The following MYO5B variants were observed in gnomAD, a reference collection of about 807,000 sequenced individuals.
MYO5B encodes unconventional myosin-Vb.
MYO5B carries 143 observed loss-of-function variants against 229.3 expected under a neutral mutation model. The observed-to-expected ratio is 0.62, with a 90% CI of 0.54 to 0.72. The LOEUF (loss-of-function observed/expected upper bound fraction) is 0.72. Ranked by LOEUF, MYO5B falls within the 30% of genes least tolerant of loss-of-function variation. The probability of loss-of-function intolerance (pLI) is 0.00; values close to 1 mark genes in which losing one functional copy is unlikely to be tolerated. For synonymous variants in MYO5B, 918 were observed against 885.2 expected, an observed-to-expected ratio of 1.04 and a Z score of -0.66; for missense variants, 2,321 against 2,331.0, an observed-to-expected ratio of 1.00 and a Z score of 0.09.
chr18:49,894,013 C>T (rs2024747904), intron 22 of MYO5B, among the ~76,000 whole-genome samples: 1 of 152,182 alleles, frequency 6.6e-6, no homozygotes, highest in East Asian at 1.9e-4. Context: ...AATATACACA[C>T]AGATGAGGGA....
At chr18:49,956,327 G>C (rs1444140223) in intron 12 of MYO5B, among the ~76,000 whole-genome samples, 2 of 152,198 alleles carry the variant, frequency 1.3e-5, no homozygotes, top group African/African-American at 2.4e-5. Context: ...ACATTTTAGA[G>C]ACAAGGAAAT....
intron 30 of MYO5B, among the ~76,000 whole-genome samples, chr18:49,855,001 C>T (rs2024244258): frequency 6.6e-6 from 1 of 152,094 alleles, no homozygotes; most frequent in African/African-American, 2.4e-5. Flanking sequence ...GCGATATTAC[C>T]TATTACTAAA....
Position 49,937,007 on chromosome 18 carries a change from C to T in MYO5B, c.1905+238G>A, listed in dbSNP as rs1787323. Among the ~76,000 whole-genome samples the T allele has an allele frequency of 0.16, 23,692 of 152,200 alleles. 2,054 individuals are homozygous for T. The highest frequency in any genetic ancestry group is 0.22 in the South Asian group (1,077 of 4,820). ...CCCTGTGGCACAGCCCCACCACAGG[C>T]GTTAACATACTTATGGAGGCTACGG... On this transcript the variant is annotated intron_variant, in intron 15 of 39. Transcript: ENST00000285039.
rs199948930 is a variant in MYO5B, at chr18:49,835,354, C to T, written c.5384G>A (p.Arg1795Gln). ...FEERVTVAFI[R>Q]TIQAQLQERN... ...TATCTTAAAACTCACCTGGATTGTT[C>T]GTATAAAGGCCACTGTTACCCGTTC... The change falls in exon 39 of 40, where the codon CGA becomes CAA. Residue 1795 changes from arginine (R) to glutamine (Q), a missense_variant. Physicochemically the swap from Arg to Gln is conservative, Grantham distance 43. Coordinates refer to ENST00000285039, the MANE Select transcript of MYO5B (RefSeq NM_001080467.3). 6 of 1,607,750 alleles carry T rather than the reference C, an allele frequency of 3.7e-6. No individual in the cohort carries two copies. The highest frequency in any genetic ancestry group is 4.3e-6 in the Non-Finnish European group (5 of 1,176,032).
At chr18:50,079,788 C>A (rs2031173296) in intron 1 of MYO5B, among the ~76,000 whole-genome samples, 1 of 152,176 alleles carries the variant, frequency 6.6e-6, no homozygotes, top group East Asian at 1.9e-4. Context: ...TGCTATGTAA[C>A]CCCTGGGCAA....
chr18:50,041,600 G>GA (rs746237273), intron 2 of MYO5B, among the ~76,000 whole-genome samples: 5 of 150,262 alleles, frequency 3.3e-5, no homozygotes, highest in African/African-American at 4.9e-5. Context: ...GCCATTTAGG[G>GA]AAAAAAAAAT....
intron 12 of MYO5B, among the ~76,000 whole-genome samples, chr18:49,957,024 A>C (rs2025499893): frequency 6.6e-6 from 1 of 152,122 alleles, no homozygotes; most frequent in Middle Eastern, 3.4e-3. Flanking sequence ...AACATACTAA[A>C]AACCACCAAA....
intron 1 of MYO5B, among the ~76,000 whole-genome samples, chr18:50,131,734 G>C (rs1328144245): frequency 6.6e-6 from 1 of 152,162 alleles, no homozygotes; most frequent in African/African-American, 2.4e-5. Flanking sequence ...CAGTGAAAAA[G>C]CTCATTTGTC....
At chr18:49,843,201 T>C in intron 34 of MYO5B, 40 bp downstream of exon 34, 1 of 1,611,960 alleles carries the variant, frequency 6.2e-7, no homozygotes, top group Non-Finnish European at 8.5e-7. Context: ...GGCTTCACTC[T>C]ACCCACCACA....
rs1314645145 is a variant in MYO5B, at chr18:50,104,171, A to AAAAAAAAAAAG, written c.28-48794_28-48793insCTTTTTTTTTT. Among the ~76,000 whole-genome samples, 126 of 140,718 alleles carry AAAAAAAAAAAG rather than the reference A, an allele frequency of 9.0e-4. 1 individual carries two copies. The highest frequency in any genetic ancestry group is 1.8e-3 in the Non-Finnish European group (116 of 64,806). The allele number at this position is 140,718 out of a possible 152,430, so 92.3% of individuals were successfully genotyped here. ...AACAGATGAGAACTTGTCTATTAAA[A>AAAAAAAAAAAG]AGAAAAAAAAGAAAATTATACCTAG... On this transcript the variant is annotated intron_variant, in intron 1 of 39. Transcript: ENST00000285039.
At chr18:50,072,336 T>C (rs1201945719) in intron 1 of MYO5B, among the ~76,000 whole-genome samples, 2 of 152,066 alleles carry the variant, frequency 1.3e-5, no homozygotes, top group Non-Finnish European at 2.9e-5. Flanking sequence ...AGGGATCCAG[T>C]CCAAAGTCTG....
intron 17 of MYO5B, among the ~76,000 whole-genome samples, chr18:49,913,688 C>T (rs2024982346): frequency 6.6e-6 from 1 of 152,178 alleles, no homozygotes; most frequent in South Asian, 2.1e-4. Context: ...CCTGGATACC[C>T]ATGGCCCTAA....
intron 38 of MYO5B, 27 bp from the exon 39 acceptor site, chr18:49,835,451 C>A: frequency 6.9e-7 from 1 of 1,444,878 alleles, no homozygotes; most frequent in Non-Finnish European, 9.7e-7. Flanking sequence ...CGGAATTTAG[C>A]ACAGAGCTAA....
intron 1 of MYO5B, among the ~76,000 whole-genome samples, chr18:50,075,092 G>A (rs1436873366): frequency 6.6e-6 from 1 of 152,158 alleles, no homozygotes; most frequent in Non-Finnish European, 1.5e-5. Flanking sequence ...CACCATGCCT[G>A]GCCTGGAGAC....
Position 49,836,596 on chromosome 18 carries a change from G to T in MYO5B, c.5313+115C>A. 4.2e-6 allele frequency: 5 copies of T among 1,203,620 alleles called. No individual in the cohort carries two copies. In the South Asian group the frequency reaches 5.0e-5, roughly 12 times the overall value. The allele number at this position is 1,203,620 out of a possible 1,614,324, so 74.6% of individuals were successfully genotyped here. A position where few individuals can be genotyped will look rare whatever the true frequency, so the allele number is the denominator to read the frequency against. On this transcript the variant is annotated intron_variant, in intron 38 of 39. Transcript: ENST00000285039. ...GCACTTCAAAATTGTCTCATTAGGGGTATATAAAGGGTGGGAGTGCAACAC... is the reference window on the plus strand; with the variant it reads ...GCACTTCAAAATTGTCTCATTAGGGTTATATAAAGGGTGGGAGTGCAACAC...
chr18:49,906,588 G>T lies in MYO5B; in HGVS notation c.2245C>A (p.Arg749=), dbSNP rs775529538. 1 of 1,614,140 alleles carries T rather than the reference G, an allele frequency of 6.2e-7. No homozygotes were observed. Reference sequence around the variant, plus strand: ...TCCAGGTAGGCCACCTGGCCTGCTCGAAAGAAGATCTTGGTGCGGCCAAAC... The same window carrying T: ...TCCAGGTAGGCCACCTGGCCTGCTCTAAAGAAGATCTTGGTGCGGCCAAAC... The part of the protein sequence containing the change: ...FQFGRTKIFF[R]AGQVAYLEKL... Residue 749 remains arginine (R), a synonymous_variant, in exon 19 of 40, where the codon CGA becomes AGA. Transcript: ENST00000285039.
At chr18:49,896,006 T>C (rs900182796) in intron 21 of MYO5B, among the ~76,000 whole-genome samples, 35 of 152,304 alleles carry the variant, frequency 2.3e-4, no homozygotes, top group Non-Finnish European at 3.1e-4. Context: ...ACAATGGTCA[T>C]TGATTATTCT....
chr18:49,931,544 C>T lies in MYO5B; in HGVS notation c.2004-1946G>A, dbSNP rs72928097. ...TAACTAGAGTAAAAGCCCCTTAGTG[C>T]GAGGGCCTTACAGGACAGCAGGGAG... On this transcript the variant is annotated intron_variant, in intron 16 of 39. Transcript: ENST00000285039. 6.5e-3 allele frequency among the ~76,000 whole-genome samples: 997 copies of T among 152,304 alleles called. 11 individuals carry two copies. Among genetic ancestry groups the T allele is most frequent in the South Asian group, 0.059 (283 of 4,826 alleles).
chr18:49,874,450 T>C (rs2024492899), intron 26 of MYO5B, among the ~76,000 whole-genome samples: 1 of 152,228 alleles, frequency 6.6e-6, no homozygotes, highest in Non-Finnish European at 1.5e-5. Context: ...TCTAATTCAA[T>C]GAGTCATTTA....
Sources: allele counts gnomAD v4.1 joint callset (sites outside exome capture counted in the v4.1 genomes callset), GRCh38; gene constraint gnomAD v4.1.1; transcripts MANE v1.5; gene names NCBI Gene and HGNC (gene_info 2026-07-23, HGNC 2026-07-21).